Variants in UIMC1 observed in about 807,000 individuals in gnomAD.
UIMC1 encodes the protein ubiquitin interaction motif containing 1.
UIMC1 carries 42 observed loss-of-function variants against 84.9 expected under a neutral mutation model. That is an observed-to-expected ratio of 0.49 (90% CI 0.39 to 0.64). UIMC1 has a LOEUF of 0.64. Ranked by LOEUF, UIMC1 falls within the 30% of genes least tolerant of loss-of-function variation. The pLI is 0.00. For synonymous variants in UIMC1, 281 were observed against 293.0 expected (o/e 0.96, Z 0.42); for missense variants, 825 against 847.6 (o/e 0.97, Z 0.33).
chr5:177,016,224 C>G (rs909156203), intron 1 of UIMC1, among the ~76,000 whole-genome samples: 2 of 151,778 alleles, frequency 1.3e-5, no homozygotes, highest in African/African-American at 4.8e-5. Flanking sequence ...ATTAGCCAGG[C>G]ATGGTGGCTG....
intron 2 of UIMC1, among the ~76,000 whole-genome samples, chr5:176,978,047 G>T (rs1284097236): frequency 6.6e-6 from 1 of 151,888 alleles, no homozygotes; most frequent in African/African-American, 2.4e-5. Context: ...AAAATACCAA[G>T]ACACTATAAG....
chr5:177,001,041 G>C lies in UIMC1; in HGVS notation c.-9+5609C>G, dbSNP rs1037927752. Among the ~76,000 whole-genome samples, 5 of 152,076 alleles carry C rather than the reference G, an allele frequency of 3.3e-5. No individual in the cohort carries two copies. In the East Asian group the frequency reaches 9.7e-4, roughly 29 times the overall value. On this transcript the variant is annotated intron_variant, in intron 1 of 14. Coordinates refer to ENST00000511320, the MANE Select transcript of UIMC1 (RefSeq NM_001199298.2). ...ATCCCATTTGTCCATTTTTGCTTTG[G>C]TTGCCTGTGGTTATGGGATATTACT...
intron 10 of UIMC1, among the ~76,000 whole-genome samples, chr5:176,928,130 T>C (rs920360581): frequency 2.6e-5 from 4 of 152,124 alleles, no homozygotes; most frequent in African/African-American, 7.2e-5. Flanking sequence ...AGGCTTGAGG[T>C]ACCACGCTCA....
intron 2 of UIMC1, among the ~76,000 whole-genome samples, chr5:176,975,983 G>A (rs1769994896): frequency 1.3e-5 from 2 of 151,746 alleles, no homozygotes; most frequent in Non-Finnish European, 1.5e-5. Context: ...AAATAATCAA[G>A]AAAACAAAAA....
intron 3 of UIMC1, among the ~76,000 whole-genome samples, chr5:176,974,123 TAATC>T (rs1472229077): frequency 6.6e-6 from 1 of 152,076 alleles, no homozygotes; most frequent in Non-Finnish European, 1.5e-5. Context: ...GGACCCAAAT[TAATC>T]AAAACAATTT....
At chr5:176,974,292 G>A (rs754966258) in intron 3 of UIMC1, among the ~76,000 whole-genome samples, 1 of 151,976 alleles carries the variant, frequency 6.6e-6, no homozygotes, top group Non-Finnish European at 1.5e-5. Context: ...TTCAACACAA[G>A]GAAAGGACAG....
At chr5:176,988,495 G>A (rs141003335) in intron 1 of UIMC1, among the ~76,000 whole-genome samples, 6 of 152,208 alleles carry the variant, frequency 3.9e-5, no homozygotes, top group South Asian at 2.1e-4. Flanking sequence ...AAGCAGATTA[G>A]TGATTACCAG....
intron 8 of UIMC1, among the ~76,000 whole-genome samples, chr5:176,951,787 T>C (rs770022404): frequency 1.5e-4 from 23 of 152,342 alleles, no homozygotes; most frequent in Admixed American, 6.5e-4. Context: ...TACAGTTTAA[T>C]GTGTTTTGAC....
chr5:176,905,800 ACT>A (rs1759285084), intron 14 of UIMC1: 1 of 638,922 alleles, frequency 1.6e-6, no homozygotes, highest in Non-Finnish European at 2.7e-6. Context: ...CATAACTTTC[ACT>A]CTGTTTGTTT....
chr5:176,905,449 T>C lies in UIMC1; in HGVS notation c.1993A>G (p.Met665Val). Reference sequence around the variant, plus strand: ...TCACGACGTGTGAAAGAACTCTGCATCTCTCTGCTGCAGCCTGCCTCTTCC... The same window carrying C: ...TCACGACGTGTGAAAGAACTCTGCACCTCTCTGCTGCAGCCTGCCTCTTCC... Reference protein sequence around the residue: ...GMEEAGCSREMQSSFTRRDLN... With the variant: ...GMEEAGCSREVQSSFTRRDLN... The change falls in exon 15 of 15, where the codon ATG (methionine) becomes GTG (valine). Residue 665 changes from methionine (M) to valine (V), a missense_variant. By Grantham distance (21) the Met-to-Val change is conservative. Coordinates refer to ENST00000511320, the MANE Select transcript of UIMC1 (RefSeq NM_001199298.2). The C allele has an allele frequency of 6.2e-7, 1 of 1,614,112 alleles. No individual in the cohort carries two copies. The highest frequency in any genetic ancestry group is 8.5e-7 in the Non-Finnish European group (1 of 1,179,988).
At chr5:176,948,694 T>C (rs1037934209) in intron 9 of UIMC1, among the ~76,000 whole-genome samples, 1 of 152,222 alleles carries the variant, frequency 6.6e-6, no homozygotes, top group African/African-American at 2.4e-5. Context: ...ATACAAACTA[T>C]AAATAGCTGC....
At chr5:176,938,635 C>T (rs1764018697) in intron 10 of UIMC1, among the ~76,000 whole-genome samples, 1 of 152,124 alleles carries the variant, frequency 6.6e-6, no homozygotes, top group Non-Finnish European at 1.5e-5. Flanking sequence ...TGTTTAGTGG[C>T]CATTTCCCTT....
In UIMC1 at chr5:176,982,595, T is replaced by A; in HGVS notation, c.21A>T (p.Lys7Asn). 2 of 1,613,806 alleles carry A rather than the reference T, an allele frequency of 1.2e-6. No individual in the cohort carries two copies. The highest frequency in any genetic ancestry group is 1.7e-6 in the Non-Finnish European group (2 of 1,179,928). ...TCCGAGATTCGGAGACTTCTTTAACTTTTTTCTTTCTCCGTGGCATCCTTT... is the reference window on the plus strand; with the variant it reads ...TCCGAGATTCGGAGACTTCTTTAACATTTTTCTTTCTCCGTGGCATCCTTT... MPRRKK[K>N]VKEVSESRNL... The change falls in exon 2 of 15, where the codon AAA becomes AAT. Residue 7 changes from lysine to asparagine, a missense_variant. Lys to Asn is a moderately conservative substitution (Grantham distance 94, BLOSUM62 0). Transcript: ENST00000511320.
At chr5:176,932,974 T>C (rs1220913618) in intron 10 of UIMC1, among the ~76,000 whole-genome samples, 1 of 151,698 alleles carries the variant, frequency 6.6e-6, no homozygotes, top group African/African-American at 2.4e-5. Context: ...TTGAATACTC[T>C]TTTCCCCACA....
At chr5:176,934,238 A>G (rs1037949950) in intron 10 of UIMC1, among the ~76,000 whole-genome samples, 3 of 152,240 alleles carry the variant, frequency 2.0e-5, no homozygotes, top group African/African-American at 7.2e-5. Context: ...TAGAGATAAA[A>G]TAATTTTATA....
chr5:176,982,612 G>A lies in UIMC1; in HGVS notation c.4C>T (p.Pro2Ser). 1 of 1,613,094 alleles carries A rather than the reference G, an allele frequency of 6.2e-7. No individual in the cohort carries two copies. Among genetic ancestry groups the A allele is most frequent in the Non-Finnish European group, 8.5e-7 (1 of 1,179,746 alleles). M[P>S]RRKKKVKEVS... ...TCTTTAACTTTTTTCTTTCTCCGTG[G>A]CATCCTTTTGTCTAGAATAAAAGGA... Residue 2 changes from proline to serine, a missense_variant, in exon 2 of 15, where the codon CCA (proline) becomes TCA (serine). By Grantham distance (74) the Pro-to-Ser change is moderately conservative. Coordinates refer to ENST00000511320, the MANE Select transcript of UIMC1 (RefSeq NM_001199298.2).
At chr5:176,930,609 T>C (rs931458829) in intron 10 of UIMC1, among the ~76,000 whole-genome samples, 1 of 152,240 alleles carries the variant, frequency 6.6e-6, no homozygotes, top group African/African-American at 2.4e-5. Context: ...ATGTTAAGCA[T>C]GGCTTATAAA....
intron 6 of UIMC1, among the ~76,000 whole-genome samples, chr5:176,959,867 ACTAAAAATACAAAATTAGCCGGGC>A (rs1311382765): frequency 6.6e-6 from 1 of 151,940 alleles, no homozygotes; most frequent in African/African-American, 2.4e-5. Context: ...TCCCGTCTCT[ACTAAAAATACAAAATTAGCCGGGC>A]ATGGTGGCTC....
intron 1 of UIMC1, among the ~76,000 whole-genome samples, chr5:177,022,273 T>A (rs1664378174): frequency 6.6e-6 from 1 of 152,154 alleles, no homozygotes; most frequent in Admixed American, 6.6e-5. Flanking sequence ...GAGCTGGCAC[T>A]TGGAACTCAA....
Sources: gnomAD v4.1 joint callset for allele counts (sites outside exome capture counted in the v4.1 genomes callset) on GRCh38, gnomAD v4.1.1 for gene constraint, MANE v1.5 for transcripts, NCBI Gene and HGNC (gene_info 2026-07-23, HGNC 2026-07-21) for gene names.